MTO1: variants seen among roughly 807,000 people sequenced by gnomAD.
MTO1 encodes the protein 5-taurinomethyluridine-[tRNA] synthase subunit MTO1, mitochondrial.
MTO1 carries 46 observed loss-of-function variants against 71.6 expected under a neutral mutation model. The ratio of observed to expected loss-of-function variants is 0.64; its 90% CI spans 0.51 to 0.82. The LOEUF is 0.82. Among genes scored for constraint, MTO1 ranks in the 40% least tolerant of loss-of-function variants. The probability of loss-of-function intolerance (pLI) is 0.00; values close to 1 mark genes in which losing one functional copy is unlikely to be tolerated. For synonymous variants in MTO1, 297 were observed against 312.1 expected, an observed-to-expected ratio of 0.95 and a Z score of 0.51; for missense variants, 773 against 867.5, an observed-to-expected ratio of 0.89 and a Z score of 1.37.
chr6:73,465,404 TCCA>T (rs1770955132), intron 1 of MTO1, among the ~76,000 whole-genome samples: 1 of 152,020 alleles, frequency 6.6e-6, no homozygotes, highest in Non-Finnish European at 1.5e-5. Context: ...GCTCCAGCAA[TCCA>T]CCCTCTTTGG....
intron 9 of MTO1, among the ~76,000 whole-genome samples, chr6:73,483,579 GA>G (rs1449968646): frequency 6.6e-6 from 1 of 152,024 alleles, no homozygotes; most frequent in African/African-American, 2.4e-5. Context: ...AATGTGGAAT[GA>G]TCTGATCTTG....
At position 73,480,665 on chromosome 6, in the gene MTO1, C is replaced by G; in HGVS notation, c.1130-10C>G. The G allele has an allele frequency of 6.2e-7, 1 of 1,613,472 alleles. No individual in the cohort carries two copies. Among genetic ancestry groups the G allele is most frequent in the Non-Finnish European group, 8.5e-7 (1 of 1,179,648 alleles). On this transcript the variant is annotated splice_polypyrimidine_tract_variant and intron_variant, in intron 6 of 11. Transcript: ENST00000498286. ...TATTTACTTATTTAATGTCTTTGTT[C>G]TTTGGTCAGGCTACGGTGTTCAGTA...
intron 4 of MTO1, among the ~76,000 whole-genome samples, chr6:73,478,014 G>A (rs1015887848): frequency 3.3e-5 from 5 of 152,018 alleles, no homozygotes; most frequent in Admixed American, 6.6e-5. Context: ...ACTTTGGGAG[G>A]CCAAGGCAGG....
chr6:73,468,065 C>T (rs113414032), intron 3 of MTO1, among the ~76,000 whole-genome samples: 8,464 of 152,006 alleles, frequency 0.056, 727 homozygotes, highest in African/African-American at 0.19. Flanking sequence ...GTGATCCACC[C>T]GCCTCGCCCT....
Position 73,482,581 on chromosome 6 carries a change from C to T in MTO1, c.1598C>T (p.Pro533Leu), listed in dbSNP as rs1368507672. The T allele has an allele frequency of 1.2e-6, 2 of 1,611,138 alleles. No homozygotes were observed. Among genetic ancestry groups the T allele is most frequent in the African/African-American group, 1.3e-5 (1 of 74,730 alleles). ...AGCTCTAAATGGAAAAAATTAATCC[C>T]AGAGGCTTCTATAAGTACTAGTAGA... ...FLSSKWKKLIPEASISTSRSL... is the reference protein window; with the variant it reads ...FLSSKWKKLILEASISTSRSL... Residue 533 changes from proline to leucine, a missense_variant, in exon 9 of 12, where the codon CCA (proline) becomes CTA (leucine). Physicochemically the swap from Pro to Leu is moderately conservative, Grantham distance 98. Coordinates refer to ENST00000498286, the MANE Select transcript of MTO1 (RefSeq NM_012123.4).
Position 73,500,872 on chromosome 6 carries a change from G to T in MTO1, c.*137G>T. On this transcript the variant is annotated 3_prime_UTR_variant, in exon 12 of 12. Coordinates refer to ENST00000498286, the MANE Select transcript of MTO1 (RefSeq NM_012123.4). ...GGGTTTGCCATTAATTTCTGAGTGG[G>T]ACAGAAATTATAATTGTGCTTTTTC... 1.5e-6 allele frequency: 1 copy of T among 686,852 alleles called. No individual in the cohort carries two copies. The highest frequency in any genetic ancestry group is 2.1e-6 in the Non-Finnish European group (1 of 473,916). 42.5% of individuals were successfully genotyped at this position (686,852 alleles called of 1,614,324 possible).
Position 73,502,075 on chromosome 6 carries a change from T to G in MTO1, c.*1340T>G, listed in dbSNP as rs1242720961. ...TTCAGTGATTTCAAAAGGTCGTAAC[T>G]TTTAGTCATAGCTACTCCTGGGCAA... On this transcript the variant is annotated 3_prime_UTR_variant, in exon 12 of 12. Coordinates refer to ENST00000498286, the MANE Select transcript of MTO1 (RefSeq NM_012123.4). The G allele has an allele frequency of 6.6e-6, 1 of 152,244 alleles. No homozygotes were observed. Among genetic ancestry groups the G allele is most frequent in the East Asian group, 1.9e-4 (1 of 5,204 alleles). The allele number at this position is 152,244 out of a possible 1,614,324, so 9.4% of individuals were successfully genotyped here.
chr6:73,495,911 G>C (rs1344024190), intron 10 of MTO1, among the ~76,000 whole-genome samples: 1 of 152,126 alleles, frequency 6.6e-6, no homozygotes, highest in Non-Finnish European at 1.5e-5. Context: ...GTGAAGGGCA[G>C]ATATTAGCAT....
chr6:73,497,518 C>T (rs931696610), intron 10 of MTO1, among the ~76,000 whole-genome samples: 1 of 151,986 alleles, frequency 6.6e-6, no homozygotes, highest in Non-Finnish European at 1.5e-5. Flanking sequence ...AACTACTAGA[C>T]AGAATGTTGT....
intron 1 of MTO1, 135 bp from the exon 2 acceptor site, chr6:73,466,074 G>C: frequency 9.3e-6 from 8 of 863,086 alleles, no homozygotes; most frequent in Non-Finnish European, 1.4e-5. Flanking sequence ...GATTTTCTTT[G>C]TAGTATATCT....
rs1772243942 is a variant in MTO1 at position 73,504,807 on chromosome 6, GC to G, written c.*4074del. 1 of 152,148 alleles carries G rather than the reference GC, an allele frequency of 6.6e-6. No homozygotes were observed. Among genetic ancestry groups the G allele is most frequent in the Non-Finnish European group, 1.5e-5 (1 of 68,036 alleles). The allele number at this position is 152,148 out of a possible 1,614,324, so 9.4% of individuals were successfully genotyped here. A position where few individuals can be genotyped will look rare whatever the true frequency, so the allele number is the denominator to read the frequency against. ...GGGCTGAGGCAGGAGAATCACTTGA[GC>G]CGGGGAGTTTGAGGCTGCAGTGAGT... On this transcript the variant is annotated 3_prime_UTR_variant, in exon 12 of 12. Transcript: ENST00000498286.
chr6:73,462,962 G>A (rs547126474), intron 1 of MTO1, among the ~76,000 whole-genome samples: 3 of 151,624 alleles, frequency 2.0e-5, no homozygotes, highest in African/African-American at 7.3e-5. Context: ...ACTCTGCCCA[G>A]CCTGATCTTT....
At chr6:73,462,247 C>T (rs1770845414) in intron 1 of MTO1, 176 bp downstream of exon 1, 1 of 650,666 alleles carries the variant, frequency 1.5e-6, no homozygotes, top group Non-Finnish European at 2.6e-6. Context: ...GGCCAGAACT[C>T]TATATTAGTC....
chr6:73,468,410 G>T (rs1181549968), intron 3 of MTO1, among the ~76,000 whole-genome samples: 2 of 151,942 alleles, frequency 1.3e-5, no homozygotes, highest in Non-Finnish European at 2.9e-5. Flanking sequence ...TGAGCACTGT[G>T]CCCAGCCTAT....
At chr6:73,493,185 G>A (rs562384143) in intron 10 of MTO1, among the ~76,000 whole-genome samples, 2 of 151,578 alleles carry the variant, frequency 1.3e-5, no homozygotes, top group East Asian at 1.9e-4. Context: ...TAGTGTTCAC[G>A]GGGTTTCACC....
chr6:73,462,126 C>T (rs1490599182), intron 1 of MTO1, 55 bp downstream of exon 1: 6 of 1,569,356 alleles, frequency 3.8e-6, no homozygotes, highest in Non-Finnish European at 5.2e-6. Flanking sequence ...GCTTCCTTCC[C>T]GCCTCCCCCG....
chr6:73,498,050 CA>C (rs975973203), intron 11 of MTO1, among the ~76,000 whole-genome samples, 154 bp downstream of exon 11: 4 of 151,942 alleles, frequency 2.6e-5, no homozygotes, highest in Admixed American at 6.6e-5. Flanking sequence ...CCCATCTCTA[CA>C]AAAATACAAA....
chr6:73,486,586 C>G (rs1484649428), intron 9 of MTO1: 1 of 438,828 alleles, frequency 2.3e-6, no homozygotes, highest in Admixed American at 2.4e-5. Context: ...AAAAAATACA[C>G]AAATTTTCCA....
rs1390778222 is a variant in MTO1 at position 73,473,364 on chromosome 6, G to T, written c.536-1G>T. On this transcript the variant is annotated splice_acceptor_variant, in intron 3 of 11. Coordinates refer to ENST00000498286, the MANE Select transcript of MTO1 (RefSeq NM_012123.4). LOFTEE classifies it high-confidence loss of function. ...CTTTATTCTTTTTTCTTGTTATTTA[G>T]TGGATGGAAGCACAGTATATGCAGA... 1 of 1,598,250 alleles carries T rather than the reference G, an allele frequency of 6.3e-7. No homozygotes were observed. The highest frequency in any genetic ancestry group is 8.5e-7 in the Non-Finnish European group (1 of 1,171,682).
Sources: allele counts gnomAD v4.1 joint callset (sites outside exome capture counted in the v4.1 genomes callset), GRCh38; gene constraint gnomAD v4.1.1; transcripts MANE v1.5; gene names NCBI Gene and HGNC (gene_info 2026-07-23, HGNC 2026-07-21).